OR3A2: variants seen among roughly 807,000 people sequenced by gnomAD.
The protein encoded by OR3A2 is olfactory receptor 3A2.
For missense variants in OR3A2, 318 were observed against 392.8 expected (o/e 0.81, Z 1.61); for synonymous variants, 126 against 159.3 (o/e 0.79, Z 1.57).
upstream of OR3A2, among the ~76,000 whole-genome samples, chr17:3,287,457 T>A (rs2048824087): frequency 6.6e-6 from 1 of 152,198 alleles, no homozygotes; most frequent in South Asian, 2.1e-4. Flanking sequence ...CTGCTGAGAT[T>A]TTCATTCCTT....
rs552642367 is a variant in OR3A2 at position 3,332,569 on chromosome 17, TG to T, written c.-85+3463del. Among the ~76,000 whole-genome samples the T allele has an allele frequency of 1.8e-3, 268 of 152,328 alleles. 1 individual carries two copies. Among genetic ancestry groups the T allele is most frequent in the African/African-American group, 6.2e-3 (258 of 41,582 alleles). On this transcript the variant is annotated intron_variant, in intron 3 of 4. Coordinates refer to the OR3A2 transcript ENST00000573491. Reference sequence around the variant, plus strand: ...TCGCCCTGCTTCAGCTGGCGCACGGTGTGCACACCCACTGACCTGCGCCCAC... The same window carrying T: ...TCGCCCTGCTTCAGCTGGCGCACGGTTGCACACCCACTGACCTGCGCCCAC...
rs529966736 is a variant in OR3A2, at chr17:3,341,581, G to C, written c.-178-5455C>G. 5.3e-5 allele frequency among the ~76,000 whole-genome samples: 8 copies of C among 152,256 alleles called. No individual in the cohort carries two copies. The East Asian group carries it at 1.4e-3, about 26-fold the overall frequency. ...GAAAATTCTTTTCTTTAAGAATGTT[G>C]AATATTGGCCCCCACTCTCTTCTGG... On this transcript the variant is annotated intron_variant, in intron 2 of 4. Coordinates refer to the OR3A2 transcript ENST00000573491.
At chr17:3,328,971 T>C (rs1323562338) in intron 3 of OR3A2, among the ~76,000 whole-genome samples, 1 of 150,950 alleles carries the variant, frequency 6.6e-6, no homozygotes, top group African/African-American at 2.4e-5. Context: ...GAGATAATCA[T>C]GTGGTTTTTG....
chr17:3,295,525 T>C (rs1042543008), intron 3 of OR3A2, among the ~76,000 whole-genome samples: 5 of 152,164 alleles, frequency 3.3e-5, no homozygotes, highest in South Asian at 4.1e-4. Context: ...GCCCTTACAG[T>C]GAAAGGCTAT....
At position 3,311,260 on chromosome 17, in the gene OR3A2, C is replaced by A. The variant is rs1341817251; in HGVS notation, c.-85+24773G>T. On this transcript the variant is annotated intron_variant, in intron 3 of 4. Coordinates refer to the OR3A2 transcript ENST00000573491. This position sits in a 1 kb window ranked among gnomAD's most constrained non-coding sequence, Gnocchi z 4.6. The stretch of plus-strand genomic sequence containing the variant: ...GATGCTGGCGTGTCTCCAGGCCCAC[C>A]AGTGCAGAGTTCCCTATGCTGCCTG... 7.5e-6 allele frequency: 4 copies of A among 535,200 alleles called. No individual in the cohort carries two copies. The African/African-American group carries it at 7.7e-5, about 10-fold the overall frequency. 33.2% of individuals were successfully genotyped at this position (535,200 alleles called of 1,614,324 possible). A position where few individuals can be genotyped will look rare whatever the true frequency, so the allele number is the denominator to read the frequency against.
chr17:3,293,354 G>A (rs1286852403), intron 3 of OR3A2, among the ~76,000 whole-genome samples: 1 of 152,038 alleles, frequency 6.6e-6, no homozygotes, highest in Non-Finnish European at 1.5e-5. Context: ...GGAGGCAAAA[G>A]GTAGAAAAAA....
intron 2 of OR3A2, among the ~76,000 whole-genome samples, chr17:3,336,586 G>A (rs944432219): frequency 9.2e-5 from 14 of 152,076 alleles, no homozygotes; most frequent in Non-Finnish European, 1.5e-4. Flanking sequence ...AGAGAGATGT[G>A]CAATTATTAA....
At chr17:3,293,197 A>G (rs1420759630) in intron 3 of OR3A2, among the ~76,000 whole-genome samples, 2 of 152,138 alleles carry the variant, frequency 1.3e-5, no homozygotes, top group African/African-American at 2.4e-5. Context: ...TCAACAAAAA[A>G]CAAAACCAAA....
At chr17:3,375,300 CTTT>C (rs58991111) in intron 2 of OR3A2, among the ~76,000 whole-genome samples, 9 of 66,520 alleles carry the variant, frequency 1.4e-4, no homozygotes, top group South Asian at 1.2e-3. Context: ...AGATTTCTTC[CTTT>C]TTTTTTTTTT....
intron 2 of OR3A2, among the ~76,000 whole-genome samples, chr17:3,353,124 T>C (rs1243663800): frequency 6.6e-6 from 1 of 151,586 alleles, no homozygotes; most frequent in Non-Finnish European, 1.5e-5. Flanking sequence ...AGTTCTTTTT[T>C]TTTTTTTGAA....
chr17:3,303,152 C>T (rs971862103), intron 3 of OR3A2, among the ~76,000 whole-genome samples: 10 of 152,246 alleles, frequency 6.6e-5, no homozygotes, highest in African/African-American at 2.4e-4. Flanking sequence ...ATATGTCTTT[C>T]TCACGCCATG....
chr17:3,344,533 C>T (rs955002380), intron 2 of OR3A2, among the ~76,000 whole-genome samples: 23 of 152,154 alleles, frequency 1.5e-4, no homozygotes, highest in Non-Finnish European at 4.4e-5. Context: ...CTCTTGCCCT[C>T]CTCCAGGAAA....
intron 3 of OR3A2, among the ~76,000 whole-genome samples, chr17:3,307,512 A>G (rs1400896080): frequency 1.3e-5 from 2 of 152,240 alleles, no homozygotes; most frequent in African/African-American, 4.8e-5. Context: ...TGAACAAGGA[A>G]TTAAAATTGC....
chr17:3,355,434 C>A (rs1315248213), intron 2 of OR3A2, among the ~76,000 whole-genome samples: 1 of 71,620 alleles, frequency 1.4e-5, no homozygotes, highest in Admixed American at 1.3e-4. Context: ...GCATTTCTCT[C>A]TCTCTCTCTC....
chr17:3,280,399 A>G (rs1358977205), intron 1 of OR3A2, among the ~76,000 whole-genome samples: 4 of 151,692 alleles, frequency 2.6e-5, no homozygotes, highest in African/African-American at 7.3e-5. Flanking sequence ...AGCCTCCTGA[A>G]TAGCTGGGAC....
At chr17:3,295,931 G>A (rs2048915005) in intron 3 of OR3A2, among the ~76,000 whole-genome samples, 1 of 152,114 alleles carries the variant, frequency 6.6e-6, no homozygotes. Context: ...GATGTTCAAA[G>A]AGAAATAGTC....
At chr17:3,297,058 T>C (rs2048924724) in intron 3 of OR3A2, among the ~76,000 whole-genome samples, 1 of 152,220 alleles carries the variant, frequency 6.6e-6, no homozygotes, top group Admixed American at 6.5e-5. Flanking sequence ...TCATTTTATA[T>C]CTGCAATTAA....
intron 2 of OR3A2, among the ~76,000 whole-genome samples, chr17:3,374,020 T>C (rs919615638): frequency 5.3e-5 from 8 of 152,218 alleles, no homozygotes; most frequent in African/African-American, 1.9e-4. Context: ...TTAACATTTG[T>C]CAGTCTGAGA....
chr17:3,306,212 C>T (rs542336978), intron 3 of OR3A2, among the ~76,000 whole-genome samples: 14 of 152,246 alleles, frequency 9.2e-5, no homozygotes, highest in South Asian at 4.1e-4. Context: ...AATTCTATGG[C>T]GCCATCATAG....
Sources: gnomAD v4.1 joint callset for allele counts (sites outside exome capture counted in the v4.1 genomes callset) on GRCh38, gnomAD v4.1.1 for gene constraint, Gnocchi (gnomAD v3.1) non-coding constraint, MANE v1.5 for transcripts, NCBI Gene and HGNC (gene_info 2026-07-23, HGNC 2026-07-21) for gene names.